Variants in SPOCK3 observed in about 807,000 individuals in gnomAD.
SPOCK3 encodes testican-3.
Under a neutral mutation model 56.6 loss-of-function variants are expected in SPOCK3, and 30 were observed. The observed-to-expected ratio is 0.53, with a 90% confidence interval of 0.40 to 0.72. The LOEUF (loss-of-function observed/expected upper bound fraction) is 0.72, where lower values mean the gene tolerates loss of function less well. Among genes scored for constraint, SPOCK3 ranks in the 30% least tolerant of loss-of-function variants. The pLI, the probability that SPOCK3 is intolerant of heterozygous loss-of-function variation, is 0.00. For missense variants in SPOCK3, 527 were observed against 530.0 expected (o/e 0.99, Z 0.06); for synonymous variants, 196 against 183.3 (o/e 1.07, Z -0.56).
At chr4:166,892,865 G>GA (rs1579559518) in intron 5 of SPOCK3, among the ~76,000 whole-genome samples, 3 of 151,960 alleles carry the variant, frequency 2.0e-5, no homozygotes, top group African/African-American at 4.8e-5. Context: ...CATATTATTG[G>GA]AAAAAAATGC....
At chr4:166,754,932 A>C (rs1736879871) in intron 7 of SPOCK3, among the ~76,000 whole-genome samples, 1 of 152,060 alleles carries the variant, frequency 6.6e-6, no homozygotes, top group South Asian at 2.1e-4. Context: ...TGTGAGAATT[A>C]ATTAACCAGA....
intron 4 of SPOCK3, among the ~76,000 whole-genome samples, chr4:166,935,012 G>A (rs796808181): frequency 6.6e-6 from 1 of 152,116 alleles, no homozygotes; most frequent in Non-Finnish European, 1.5e-5. Context: ...CAAAAAAGTC[G>A]GCTTGACCTG....
chr4:167,151,591 C>T (rs1232646532), intron 2 of SPOCK3, among the ~76,000 whole-genome samples: 4 of 151,998 alleles, frequency 2.6e-5, no homozygotes, highest in Non-Finnish European at 5.9e-5. Flanking sequence ...CCCGCCACCA[C>T]GCCTGGCTAA....
At chr4:167,150,301 T>C (rs748302766) in intron 2 of SPOCK3, among the ~76,000 whole-genome samples, 1 of 150,442 alleles carries the variant, frequency 6.6e-6, no homozygotes, top group Non-Finnish European at 1.5e-5. Flanking sequence ...CTACTGATGG[T>C]TTTTTTTTAA....
intron 6 of SPOCK3, among the ~76,000 whole-genome samples, chr4:166,884,673 T>C (rs534702771): frequency 6.6e-6 from 1 of 152,234 alleles, no homozygotes; most frequent in African/African-American, 2.4e-5. Flanking sequence ...TTTGAGGAAA[T>C]ACATCCATAA....
chr4:166,950,103 A>G (rs1447593793), intron 4 of SPOCK3, among the ~76,000 whole-genome samples: 4 of 151,388 alleles, frequency 2.6e-5, no homozygotes, highest in Non-Finnish European at 5.9e-5. Context: ...TTTAAATGTA[A>G]ATGGACTAAA....
rs1021850333 is a variant in SPOCK3, at chr4:167,161,065, G to A, written c.189+72920C>T. Among the ~76,000 whole-genome samples the A allele has an allele frequency of 5.0e-4, 76 of 152,132 alleles. 1 individual carries two copies. Among genetic ancestry groups the A allele is most frequent in the Admixed American group, 4.9e-3 (75 of 15,270 alleles). Reference sequence around the variant, plus strand: ...AAATGGGATCTAATTAAACTAAAGAGCTTCTGCACAGCAAAAGAAACTACC... The same window carrying A: ...AAATGGGATCTAATTAAACTAAAGAACTTCTGCACAGCAAAAGAAACTACC... On this transcript the variant is annotated intron_variant, in intron 2 of 10. Coordinates refer to ENST00000357545, the MANE Select transcript of SPOCK3 (RefSeq NM_001040159.2).
At chr4:166,959,495 C>T (rs1020961399) in intron 4 of SPOCK3, among the ~76,000 whole-genome samples, 1 of 151,954 alleles carries the variant, frequency 6.6e-6, no homozygotes, top group Non-Finnish European at 1.5e-5. Context: ...CACCTGTATT[C>T]TCAGCTACTT....
rs1579062659 is a variant in SPOCK3, at chr4:166,734,864, G to A, written c.*57C>T. On this transcript the variant is annotated 3_prime_UTR_variant, in exon 11 of 11. Coordinates refer to ENST00000357545, the MANE Select transcript of SPOCK3 (RefSeq NM_001040159.2). ...TGGGGAAGAAGATAATTTTAAATAG[G>A]CTATCATTTTTGTAAATATTAGAAA... The A allele has an allele frequency of 2.4e-6, 3 of 1,276,408 alleles. No homozygotes were observed. The highest frequency in any genetic ancestry group is 3.2e-6 in the Non-Finnish European group (3 of 933,968). 79.1% of individuals were successfully genotyped at this position (1,276,408 alleles called of 1,614,324 possible).
intron 4 of SPOCK3, among the ~76,000 whole-genome samples, chr4:166,932,125 T>C (rs1739858385): frequency 6.6e-6 from 1 of 152,182 alleles, no homozygotes; most frequent in East Asian, 1.9e-4. Context: ...CCCTGAACCA[T>C]AGTAATAAGC....
intron 2 of SPOCK3, among the ~76,000 whole-genome samples, chr4:167,192,853 G>A (rs1732593399): frequency 6.9e-6 from 1 of 145,150 alleles, no homozygotes; most frequent in Non-Finnish European, 1.5e-5. Flanking sequence ...TTTCTTCTTT[G>A]ACCCATTGGT....
intron 2 of SPOCK3, among the ~76,000 whole-genome samples, chr4:167,228,863 A>T (rs1736853076): frequency 6.6e-6 from 1 of 152,148 alleles, no homozygotes. Context: ...TAATAGTCCA[A>T]TAAAAATATT....
intron 2 of SPOCK3, among the ~76,000 whole-genome samples, chr4:167,186,353 C>T (rs562204518): frequency 4.0e-4 from 61 of 152,150 alleles, no homozygotes; most frequent in Admixed American, 8.5e-4. Flanking sequence ...CTAGGCCGGG[C>T]GTGGTGTTTC....
intron 6 of SPOCK3, among the ~76,000 whole-genome samples, chr4:166,807,344 C>T (rs1281735814): frequency 6.6e-6 from 1 of 151,492 alleles, no homozygotes; most frequent in Non-Finnish European, 1.5e-5. Flanking sequence ...AGTGGATTCT[C>T]AAGGTACGAT....
intron 2 of SPOCK3, among the ~76,000 whole-genome samples, chr4:167,103,296 C>T (rs1447313140): frequency 1.3e-5 from 2 of 152,052 alleles, no homozygotes; most frequent in Non-Finnish European, 1.5e-5. Context: ...CAAGTGGGCC[C>T]TTGGGGTCTC....
At chr4:166,783,972 T>G (rs185945389) in intron 7 of SPOCK3, among the ~76,000 whole-genome samples, 2,562 of 152,166 alleles carry the variant, frequency 0.017, 54 homozygotes, top group African/African-American at 0.043. Flanking sequence ...TGTTTTTTTT[T>G]GGGGGGAGGT....
intron 2 of SPOCK3, among the ~76,000 whole-genome samples, chr4:167,138,538 T>C (rs1763292690): frequency 6.6e-6 from 1 of 151,902 alleles, no homozygotes; most frequent in African/African-American, 2.4e-5. Context: ...CTTCATAGCC[T>C]AGAATTACTC....
chr4:167,074,364 G>C (rs1037231632), intron 2 of SPOCK3, among the ~76,000 whole-genome samples: 2 of 151,910 alleles, frequency 1.3e-5, no homozygotes, highest in Admixed American at 1.3e-4. Flanking sequence ...CTGAAACTAA[G>C]GTGTCAACCA....
rs558318476 is a variant in SPOCK3, at chr4:167,210,692, T to C, written c.189+23293A>G. Among the ~76,000 whole-genome samples, 38 of 152,276 alleles carry C rather than the reference T, an allele frequency of 2.5e-4. 2 individuals are homozygous for C. In the South Asian group the frequency reaches 7.9e-3, roughly 32 times the overall value. ...TTTTCTAAAGTGTTTTCTCATACATTTGATTGCCTGATATTCATAATAATC... is the reference window on the plus strand; with the variant it reads ...TTTTCTAAAGTGTTTTCTCATACATCTGATTGCCTGATATTCATAATAATC... On this transcript the variant is annotated intron_variant, in intron 2 of 10. Coordinates refer to ENST00000357545, the MANE Select transcript of SPOCK3 (RefSeq NM_001040159.2).
Sources: gnomAD v4.1 joint callset for allele counts (sites outside exome capture counted in the v4.1 genomes callset) on GRCh38, gnomAD v4.1.1 for gene constraint, MANE v1.5 for transcripts, NCBI Gene and HGNC (gene_info 2026-07-23, HGNC 2026-07-21) for gene names.